MGAT5B: variants seen among roughly 807,000 people sequenced by gnomAD.
MGAT5B encodes alpha-1,6-mannosylglycoprotein 6-beta-N-acetylglucosaminyltransferase B.
MGAT5B carries 54 observed loss-of-function variants against 95.1 expected under a neutral mutation model. The ratio of observed to expected loss-of-function variants is 0.57; its 90% CI spans 0.46 to 0.71. MGAT5B has a LOEUF of 0.71. MGAT5B is among the 30% of genes least tolerant of loss of function. MGAT5B has a pLI of 0.00. For missense variants in MGAT5B, 935 were observed against 1,088.6 expected (o/e 0.86, Z 1.99); for synonymous variants, 464 against 451.0 (o/e 1.03, Z -0.36).
At position 76,902,676 on chromosome 17, in the gene MGAT5B, T is replaced by C. The variant is rs776790794; in HGVS notation, c.445+6T>C. On this transcript the variant is annotated splice_donor_region_variant and intron_variant, in intron 4 of 17. Coordinates refer to ENST00000569840, the MANE Select transcript of MGAT5B (RefSeq NM_001199172.2). ...TCTGCTCCTGCACAGCAAGGGTGGG[T>C]GCCAGGGGGCGGGGGTACCCTCTAC... The C allele has an allele frequency of 7.1e-7, 1 of 1,398,936 alleles. No homozygotes were observed. Among genetic ancestry groups the C allele is most frequent in the South Asian group, 1.2e-5 (1 of 83,624 alleles). The allele number at this position is 1,398,936 out of a possible 1,614,324, so 86.7% of individuals were successfully genotyped here. A position where few individuals can be genotyped will look rare whatever the true frequency, so the allele number is the denominator to read the frequency against.
chr17:76,940,678 C>A lies in MGAT5B; in HGVS notation c.1732-54C>A. The A allele has an allele frequency of 6.2e-7, 1 of 1,603,900 alleles. No homozygotes were observed. The highest frequency in any genetic ancestry group is 8.5e-7 in the Non-Finnish European group (1 of 1,172,264). On this transcript the variant is annotated intron_variant, in intron 14 of 17. Coordinates refer to ENST00000569840, the MANE Select transcript of MGAT5B (RefSeq NM_001199172.2). This position sits in a 1 kb window ranked among gnomAD's most constrained non-coding sequence, Gnocchi z 4.3. The stretch of plus-strand genomic sequence containing the variant: ...AAGTGTATGGGGTACCTTTCTTTGT[C>A]CCTGTCCCACTGGCAGGCACGGGGG...
intron 12 of MGAT5B, among the ~76,000 whole-genome samples, chr17:76,934,999 G>A (rs1372578316): frequency 6.6e-6 from 1 of 152,182 alleles, no homozygotes; most frequent in Non-Finnish European, 1.5e-5. Flanking sequence ...CCCAGGGCAA[G>A]GCGTTGGGTG....
intron 2 of MGAT5B, among the ~76,000 whole-genome samples, chr17:76,878,233 T>C (rs1967267402): frequency 6.6e-6 from 1 of 152,136 alleles, no homozygotes; most frequent in African/African-American, 2.4e-5. Flanking sequence ...GCACAAAATG[T>C]GCCTGGTACC....
At position 76,920,163 on chromosome 17, in the gene MGAT5B, C is replaced by G. The variant is rs533627574; in HGVS notation, c.1026-4803C>G. 6.6e-5 allele frequency among the ~76,000 whole-genome samples: 10 copies of G among 152,314 alleles called. No individual in the cohort carries two copies. The South Asian group carries it at 1.7e-3, about 25-fold the overall frequency. ...CCAAGCACTGGCTGTTGGCAGTGGG[C>G]AGATGGAGGGGTATGCAGCAGATGC... On this transcript the variant is annotated intron_variant, in intron 8 of 17. Transcript: ENST00000569840.
In MGAT5B at chr17:76,916,773, A is replaced by C. The variant is rs1415158093; in HGVS notation, c.1026-8193A>C. On this transcript the variant is annotated intron_variant, in intron 8 of 17. Coordinates refer to ENST00000569840, the MANE Select transcript of MGAT5B (RefSeq NM_001199172.2). This position sits in a 1 kb window ranked among gnomAD's most constrained non-coding sequence, Gnocchi z 5.3. The stretch of plus-strand genomic sequence containing the variant: ...GTTCTCGAGAAGGGATGAGGGGACC[A>C]GTGTTCTTCCTCTGCCAAGGACAGA... Among the ~76,000 whole-genome samples the C allele has an allele frequency of 6.6e-6, 1 of 152,152 alleles. No homozygotes were observed. Among genetic ancestry groups the C allele is most frequent in the Non-Finnish European group, 1.5e-5 (1 of 68,022 alleles).
intron 15 of MGAT5B, among the ~76,000 whole-genome samples, chr17:76,941,999 A>G (rs7214126): frequency 0.55 from 83,704 of 152,122 alleles, 23,424 homozygotes; most frequent in African/African-American, 0.62. Context: ...GCCTGCACAC[A>G]GATGGGCTCG....
At chr17:76,942,965 C>A (rs1280010860) in intron 15 of MGAT5B, among the ~76,000 whole-genome samples, 1 of 152,160 alleles carries the variant, frequency 6.6e-6, no homozygotes, top group Non-Finnish European at 1.5e-5. Flanking sequence ...TGGGGAGCAG[C>A]GTTTGGCCCA....
At chr17:76,926,359 C>T (rs1969311360) in intron 9 of MGAT5B, among the ~76,000 whole-genome samples, 1 of 152,224 alleles carries the variant, frequency 6.6e-6, no homozygotes, top group South Asian at 2.1e-4. Flanking sequence ...AGCTTCCCTA[C>T]AACCCTGAGA....
At position 76,869,873 on chromosome 17, in the gene MGAT5B, C is replaced by T. The variant is rs1192510448; in HGVS notation, c.68+776C>T. Among the ~76,000 whole-genome samples the T allele has an allele frequency of 2.6e-5, 4 of 152,056 alleles. No individual in the cohort carries two copies. The East Asian group carries it at 5.8e-4, about 22-fold the overall frequency. On this transcript the variant is annotated intron_variant, in intron 1 of 17. Coordinates refer to ENST00000569840, the MANE Select transcript of MGAT5B (RefSeq NM_001199172.2). The surrounding 1 kb of genome is among the most constrained non-coding windows in gnomAD (Gnocchi z 7.0). ...GGGACTCACTGGACCCAGCCAGGGG[C>T]CCCCAGGGCCCAGCGGTGCCGGGGC...
chr17:76,925,704 C>T (rs1969291368), intron 9 of MGAT5B, among the ~76,000 whole-genome samples: 1 of 152,204 alleles, frequency 6.6e-6, no homozygotes, highest in African/African-American at 2.4e-5. Context: ...TCTCTATGCA[C>T]TCGGCTCTCT....
intron 8 of MGAT5B, among the ~76,000 whole-genome samples, chr17:76,908,532 G>T (rs548166877): frequency 1.1e-4 from 16 of 152,084 alleles, no homozygotes; most frequent in African/African-American, 3.9e-4. Context: ...CTCCCAAAGT[G>T]CTGGGATTAC....
intron 2 of MGAT5B, among the ~76,000 whole-genome samples, chr17:76,881,907 T>C (rs573939047): frequency 4.7e-4 from 71 of 152,226 alleles, no homozygotes; most frequent in Non-Finnish European, 6.2e-4. Context: ...CAATGTCACA[T>C]GGCTAGTGGG....
chr17:76,881,370 T>C (rs1312258613), intron 2 of MGAT5B, among the ~76,000 whole-genome samples: 3 of 152,192 alleles, frequency 2.0e-5, no homozygotes, highest in Admixed American at 6.5e-5. Context: ...CAGTTGATCT[T>C]TGGAAATCCA....
At chr17:76,896,843 G>T (rs996125839) in intron 3 of MGAT5B, among the ~76,000 whole-genome samples, 10 of 152,124 alleles carry the variant, frequency 6.6e-5, no homozygotes, top group Admixed American at 2.0e-4. Context: ...TTAAAGCTTG[G>T]CCTTCAGCAA....
At position 76,891,123 on chromosome 17, in the gene MGAT5B, C is replaced by T. The variant is rs780197074; in HGVS notation, c.329+8825C>T. 1.1e-4 allele frequency among the ~76,000 whole-genome samples: 16 copies of T among 151,822 alleles called. 1 individual carries two copies. The highest frequency in any genetic ancestry group is 2.1e-4 in the Non-Finnish European group (14 of 67,952). ...GGGATTACAGGTGCACACCACCACA[C>T]CCAGCTAATTTTTGTATTTTTGGTA... On this transcript the variant is annotated intron_variant, in intron 3 of 17. Coordinates refer to ENST00000569840, the MANE Select transcript of MGAT5B (RefSeq NM_001199172.2).
intron 17 of MGAT5B, 90 bp downstream of exon 17, chr17:76,948,176 C>T: frequency 6.8e-7 from 1 of 1,479,708 alleles, no homozygotes. Context: ...AACCGGCCCT[C>T]AGCCCTGCCA....
chr17:76,882,057 G>A, intron 2 of MGAT5B, 94 bp from the exon 3 acceptor site: 1 of 1,393,592 alleles, frequency 7.2e-7, no homozygotes, highest in South Asian at 1.4e-5. Flanking sequence ...GGGGGACTTT[G>A]GGGCCAGCTT....
At chr17:76,894,293 G>C (rs1967989845) in intron 3 of MGAT5B, among the ~76,000 whole-genome samples, 1 of 152,202 alleles carries the variant, frequency 6.6e-6, no homozygotes, top group Non-Finnish European at 1.5e-5. Flanking sequence ...TTTAATAACT[G>C]TGTGATCCTG....
At chr17:76,882,096 G>C in intron 2 of MGAT5B, 55 bp from the exon 3 acceptor site, 3 of 1,541,124 alleles carry the variant, frequency 1.9e-6, no homozygotes, top group Non-Finnish European at 2.6e-6. Context: ...TCGGACACCA[G>C]GTGGCCTCCA....
Sources: allele counts gnomAD v4.1 joint callset (sites outside exome capture counted in the v4.1 genomes callset), GRCh38; gene constraint gnomAD v4.1.1; non-coding constraint Gnocchi (gnomAD v3.1); transcripts MANE v1.5; gene names NCBI Gene and HGNC (gene_info 2026-07-23, HGNC 2026-07-21).